SMARCA2: variants seen among roughly 807,000 people sequenced by gnomAD.
SMARCA2 encodes SWI/SNF-related matrix-associated actin-dependent regulator of chromatin subfamily A member 2.
Under a neutral mutation model 199.8 loss-of-function variants are expected in SMARCA2, and 61 were observed. The ratio of observed to expected loss-of-function variants is 0.31; its 90% CI spans 0.25 to 0.38. SMARCA2 has a LOEUF of 0.38. Ranked by LOEUF, SMARCA2 falls within the 10% of genes least tolerant of loss-of-function variation. The probability of loss-of-function intolerance (pLI) is 1.00; values close to 1 mark genes in which losing one functional copy is unlikely to be tolerated. For missense variants in SMARCA2, 1,344 were observed against 2,012.2 expected, an observed-to-expected ratio of 0.67 and a Z score of 6.35; for synonymous variants, 935 against 732.0, an observed-to-expected ratio of 1.28 and a Z score of -4.48.
At chr9:2,151,529 T>C (rs536055692) in intron 27 of SMARCA2, among the ~76,000 whole-genome samples, 1 of 143,590 alleles carries the variant, frequency 7.0e-6, no homozygotes, top group Non-Finnish European at 1.6e-5. Context: ...GCCACGAATT[T>C]GAGACCAGCC....
In SMARCA2 at chr9:2,073,371, T is replaced by C. The variant is rs1295817683; in HGVS notation, c.1877+29T>C. 5 of 1,611,606 alleles carry C rather than the reference T, an allele frequency of 3.1e-6. No individual in the cohort carries two copies. In the South Asian group the frequency reaches 4.4e-5, roughly 14 times the overall value. ...AGGCATGAAAGCAGCGTTCATGGTG[T>C]TCTTTTAGCTTTTTAGATTTTGGTA... is the stretch of plus-strand genomic sequence containing the variant. On this transcript the variant is annotated intron_variant, in intron 11 of 33. Transcript: ENST00000349721.
At chr9:2,087,100 T>C (rs766899769) in intron 18 of SMARCA2, 29 bp downstream of exon 18, 15 of 1,612,454 alleles carry the variant, frequency 9.3e-6, no homozygotes, top group Non-Finnish European at 1.1e-5. Flanking sequence ...TTTTTTCCAC[T>C]GCATGATAAT....
Position 2,156,413 on chromosome 9 carries a change from A to C in SMARCA2, c.3982-5273A>C, listed in dbSNP as rs1265709375. Among the ~76,000 whole-genome samples, 6 of 72,610 alleles carry C rather than the reference A, an allele frequency of 8.3e-5. No homozygotes were observed. The Admixed American group carries it at 1.0e-3, about 12-fold the overall frequency. 47.6% of individuals were successfully genotyped at this position (72,610 alleles called of 152,430 possible). ...AATACCATAAAGTTTACCATTTTAG[A>C]CTTTTTTTTTTTTTTTTTTTTTTTT... On this transcript the variant is annotated intron_variant, in intron 27 of 33. Coordinates refer to ENST00000349721, the MANE Select transcript of SMARCA2 (RefSeq NM_003070.5).
At chr9:2,132,561 G>A (rs531142272) in intron 27 of SMARCA2, among the ~76,000 whole-genome samples, 11 of 152,312 alleles carry the variant, frequency 7.2e-5, no homozygotes, top group African/African-American at 2.6e-4. Flanking sequence ...TGTAAGATGT[G>A]AGAAGCTTTG....
intron 19 of SMARCA2, among the ~76,000 whole-genome samples, chr9:2,091,794 A>C (rs1215682734): frequency 1.3e-5 from 2 of 152,154 alleles, no homozygotes; most frequent in South Asian, 4.1e-4. Flanking sequence ...ATTTTTAGCC[A>C]TTCAATAGGT....
chr9:2,182,533 T>G (rs1204038188), intron 31 of SMARCA2, among the ~76,000 whole-genome samples: 1 of 133,162 alleles, frequency 7.5e-6, no homozygotes, highest in Non-Finnish European at 1.6e-5. Context: ...TTTCACTGTC[T>G]CCCAGGCTGG....
rs1324339034 is a variant in SMARCA2, at chr9:2,039,036, G to A, written c.356-430G>A. On this transcript the variant is annotated intron_variant, in intron 3 of 33. Coordinates refer to ENST00000349721, the MANE Select transcript of SMARCA2 (RefSeq NM_003070.5). This position sits in a 1 kb window ranked among gnomAD's most constrained non-coding sequence, Gnocchi z 4.8. ...CAACCACTAACGGTTTACCTTCTAG[G>A]ACACATGTAGCTATTGATCACTTGA... 6.6e-6 allele frequency among the ~76,000 whole-genome samples: 1 copy of A among 152,078 alleles called. No homozygotes were observed. Among genetic ancestry groups the A allele is most frequent in the Non-Finnish European group, 1.5e-5 (1 of 68,018 alleles).
chr9:2,038,150 G>C (rs1819412599), intron 3 of SMARCA2, among the ~76,000 whole-genome samples: 1 of 152,134 alleles, frequency 6.6e-6, no homozygotes, highest in South Asian at 2.1e-4. Flanking sequence ...ATTTGTATTA[G>C]ATCATGGAAA....
At position 2,083,755 on chromosome 9, in the gene SMARCA2, A is replaced by G. The variant is rs10811397; in HGVS notation, c.2416-331A>G. Among the ~76,000 whole-genome samples the G allele has an allele frequency of 0.12, 17,635 of 152,276 alleles. 1,104 individuals carry two copies. The highest frequency in any genetic ancestry group is 0.14 in the African/African-American group (5,986 of 41,542). On this transcript the variant is annotated intron_variant, in intron 16 of 33. Transcript: ENST00000349721. Reference sequence around the variant, plus strand: ...CCTGCAAAGTCAGGCAATTACCCGGATGCCCGGGGCTGCCTGCTGTACTTT... The same window carrying G: ...CCTGCAAAGTCAGGCAATTACCCGGGTGCCCGGGGCTGCCTGCTGTACTTT...
At chr9:2,113,415 C>G (rs1270779023) in intron 24 of SMARCA2, among the ~76,000 whole-genome samples, 1 of 152,176 alleles carries the variant, frequency 6.6e-6, no homozygotes, top group Non-Finnish European at 1.5e-5. Context: ...TCTTCTCAGA[C>G]CAGGCTCTTA....
chr9:2,114,935 T>C (rs1272398893), intron 24 of SMARCA2, among the ~76,000 whole-genome samples: 2 of 152,166 alleles, frequency 1.3e-5, no homozygotes, highest in Admixed American at 6.5e-5. Context: ...TGTTTTCACT[T>C]ATGTCATTAA....
intron 27 of SMARCA2, among the ~76,000 whole-genome samples, chr9:2,129,293 C>T (rs1453360026): frequency 6.6e-6 from 1 of 152,146 alleles, no homozygotes; most frequent in Admixed American, 6.5e-5. Context: ...TGGCACGTGC[C>T]TGTAGTCCCA....
rs553928189 is a variant in SMARCA2 at position 2,175,141 on chromosome 9, T to C, written c.4253+4669T>C. 7.2e-5 allele frequency among the ~76,000 whole-genome samples: 11 copies of C among 152,096 alleles called. No homozygotes were observed. In the South Asian group the frequency reaches 1.5e-3, roughly 20 times the overall value. On this transcript the variant is annotated intron_variant, in intron 29 of 33. Coordinates refer to ENST00000349721, the MANE Select transcript of SMARCA2 (RefSeq NM_003070.5). Reference sequence around the variant, plus strand: ...CGGGTCATCCGGTGTCTGTCTGTCATCACATTTAGTCAGATGGGCAGTGGA... The same window carrying C: ...CGGGTCATCCGGTGTCTGTCTGTCACCACATTTAGTCAGATGGGCAGTGGA...
In SMARCA2 at chr9:2,170,906, C is replaced by T. The variant is rs1826216349; in HGVS notation, c.4253+434C>T. 6.6e-6 allele frequency among the ~76,000 whole-genome samples: 1 copy of T among 152,198 alleles called. No homozygotes were observed. The highest frequency in any genetic ancestry group is 2.4e-5 in the African/African-American group (1 of 41,442). On this transcript the variant is annotated intron_variant, in intron 29 of 33. Transcript: ENST00000349721. The surrounding 1 kb of genome is among the most constrained non-coding windows in gnomAD (Gnocchi z 4.7). ...CTCCTGCGAGACATGAAGAAGCGTG[C>T]ATGTTCACGCTGTGTCTGCATTCCA...
intron 18 of SMARCA2, 26 bp from the exon 19 acceptor site, chr9:2,088,473 CA>C (rs757040082): frequency 3.2e-6 from 5 of 1,552,858 alleles, no homozygotes. Flanking sequence ...TTTAAAAAAT[CA>C]AATTCATAAT....
chr9:2,047,528 A>G, intron 5 of SMARCA2, 44 bp downstream of exon 5: 1 of 1,280,328 alleles, frequency 7.8e-7, no homozygotes, highest in Non-Finnish European at 1.0e-6. Flanking sequence ...GTGTGCTAGC[A>G]CCTGCCGCCC....
intron 29 of SMARCA2, among the ~76,000 whole-genome samples, chr9:2,172,454 T>C (rs757592786): frequency 2.7e-5 from 4 of 146,100 alleles, no homozygotes; most frequent in Non-Finnish European, 6.0e-5. Flanking sequence ...GCAGAGCTTG[T>C]GGTGGTATGT....
At chr9:2,109,911 C>T (rs1239423402) in intron 23 of SMARCA2, among the ~76,000 whole-genome samples, 2 of 151,878 alleles carry the variant, frequency 1.3e-5, no homozygotes, top group African/African-American at 2.4e-5. Context: ...AGAGACAGGG[C>T]GAGAGAGGAA....
intron 5 of SMARCA2, among the ~76,000 whole-genome samples, chr9:2,049,186 C>G (rs1331010221): frequency 6.6e-6 from 1 of 152,126 alleles, no homozygotes; most frequent in Non-Finnish European, 1.5e-5. Flanking sequence ...ACTTCTTTCC[C>G]TTATTCAGCC....
Sources: gnomAD v4.1 joint callset for allele counts (sites outside exome capture counted in the v4.1 genomes callset) on GRCh38, gnomAD v4.1.1 for gene constraint, Gnocchi (gnomAD v3.1) non-coding constraint, MANE v1.5 for transcripts, NCBI Gene and HGNC (gene_info 2026-07-23, HGNC 2026-07-21) for gene names.